Variants in MICAL3 observed in about 807,000 individuals in gnomAD.
MICAL3 encodes the protein [F-actin]-monooxygenase MICAL3.
A neutral mutation model predicts 207.4 loss-of-function variants in MICAL3; 62 were observed. That is an observed-to-expected ratio of 0.30 (90% CI 0.24 to 0.37). The LOEUF (loss-of-function observed/expected upper bound fraction) is 0.37. Among genes scored for constraint, MICAL3 ranks in the 10% least tolerant of loss-of-function variants. MICAL3 has a pLI of 1.00. For missense variants in MICAL3, 2,368 were observed against 2,635.6 expected, an observed-to-expected ratio of 0.90 and a Z score of 2.22; for synonymous variants, 1,077 against 1,069.3, an observed-to-expected ratio of 1.01 and a Z score of -0.14.
chr22:17,967,612 A>G (rs1935209233), intron 1 of MICAL3, among the ~76,000 whole-genome samples: 1 of 152,220 alleles, frequency 6.6e-6, no homozygotes. Context: ...AGTACATATT[A>G]TAATAAAAAT....
chr22:17,890,800 T>C (rs984844335), intron 12 of MICAL3, among the ~76,000 whole-genome samples: 1 of 152,228 alleles, frequency 6.6e-6, no homozygotes. Context: ...ATCCTTCGGT[T>C]TGGCTTCCGT....
At chr22:17,999,558 G>A (rs550402902) in intron 1 of MICAL3, among the ~76,000 whole-genome samples, 1 of 152,168 alleles carries the variant, frequency 6.6e-6, no homozygotes, top group Non-Finnish European at 1.5e-5. Context: ...GCCAAGGACT[G>A]TGCTAAGTTC....
rs763045276 is a variant in MICAL3 at position 17,818,871 on chromosome 22, G to T, written c.3790C>A (p.Pro1264Thr). 4 of 1,548,368 alleles carry T rather than the reference G, an allele frequency of 2.6e-6. No homozygotes were observed. In the African/African-American group the frequency reaches 5.5e-5, roughly 21 times the overall value. Residue 1264 changes from proline (P) to threonine (T), a missense_variant, in exon 26 of 32, where the codon CCC (proline) becomes ACC (threonine). By Grantham distance (38) the Pro-to-Thr change is conservative (BLOSUM62 -1). Transcript: ENST00000441493. Reference sequence around the variant, plus strand: ...ACAGTGGCCTCGGTGGAAGGCTGGGGCTGGGAGCAGATGGGGAGTGGGCTG... The same window carrying T: ...ACAGTGGCCTCGGTGGAAGGCTGGGTCTGGGAGCAGATGGGGAGTGGGCTG... ...PPSPLPICSQ[P>T]QPSTEATVPS...
intron 1 of MICAL3, among the ~76,000 whole-genome samples, chr22:17,915,053 G>A (rs1043177935): frequency 3.3e-5 from 5 of 152,138 alleles, no homozygotes; most frequent in African/African-American, 1.2e-4. Context: ...AGGCCTCTGG[G>A]TGGGGAGAAA....
intron 29 of MICAL3, among the ~76,000 whole-genome samples, chr22:17,794,223 C>T (rs958443715): frequency 3.3e-5 from 5 of 152,228 alleles, no homozygotes; most frequent in South Asian, 2.1e-4. Flanking sequence ...GTTGTCATAC[C>T]GGGGCCTTTG....
At chr22:17,945,352 G>T (rs1172318233) in intron 1 of MICAL3, among the ~76,000 whole-genome samples, 3 of 152,190 alleles carry the variant, frequency 2.0e-5, no homozygotes, top group African/African-American at 7.2e-5. Flanking sequence ...CACCTTGGGC[G>T]CTGGCCCAGA....
chr22:17,924,205 C>A (rs1423975093), intron 1 of MICAL3, among the ~76,000 whole-genome samples: 1 of 152,150 alleles, frequency 6.6e-6, no homozygotes, highest in East Asian at 1.9e-4. Flanking sequence ...AACCATATCA[C>A]CATCCTTATG....
At chr22:17,932,270 G>A (rs535416623) in intron 1 of MICAL3, among the ~76,000 whole-genome samples, 7 of 152,282 alleles carry the variant, frequency 4.6e-5, no homozygotes, top group African/African-American at 1.2e-4. Context: ...TCAGACTAAC[G>A]CGGATCTCTG....
chr22:18,013,724 A>C (rs751631904), intron 1 of MICAL3, among the ~76,000 whole-genome samples: 3 of 152,242 alleles, frequency 2.0e-5, no homozygotes, highest in African/African-American at 4.8e-5. Context: ...ATAGTAAATT[A>C]AAGCAATTGG....
At chr22:17,844,628 G>A (rs1569091436) in intron 19 of MICAL3, among the ~76,000 whole-genome samples, 1 of 152,222 alleles carries the variant, frequency 6.6e-6, no homozygotes, top group Non-Finnish European at 1.5e-5. Flanking sequence ...AGGTAATGGT[G>A]TGATGAAGGG....
intron 1 of MICAL3, among the ~76,000 whole-genome samples, chr22:17,945,008 CT>C (rs10533905): frequency 0.19 from 26,525 of 137,596 alleles, 2,432 homozygotes; most frequent in Middle Eastern, 0.26. Flanking sequence ...ACTGGGGGAC[CT>C]TTTTTTTTTT....
chr22:18,010,662 A>C (rs1302141513), intron 1 of MICAL3, among the ~76,000 whole-genome samples: 1 of 152,128 alleles, frequency 6.6e-6, no homozygotes, highest in Non-Finnish European at 1.5e-5. Context: ...GCAGAAAAGG[A>C]GCAGAGTTCC....
chr22:17,863,787 G>C (rs943736355), intron 19 of MICAL3: 4 of 985,418 alleles, frequency 4.1e-6, no homozygotes, highest in Non-Finnish European at 4.8e-6. Context: ...TGCAACTCTG[G>C]GAACCTCTCG....
At position 17,896,334 on chromosome 22, in the gene MICAL3, C is replaced by T; in HGVS notation, c.1234G>A (p.Ala412Thr). The T allele has an allele frequency of 6.4e-7, 1 of 1,557,806 alleles. No individual in the cohort carries two copies. ...TCCATAGCAGCTAGAAAGCCCCGGG[C>T]TATTCCTGTTCCCATTGGCCAGAAA... ...EPFWPMGTGI[A>T]RGFLAAMDSA... Residue 412 changes from alanine to threonine, a missense_variant, in exon 9 of 32, where the codon GCC (alanine) becomes ACC (threonine). This residue lies in a region of MICAL3 where 400 missense variants were observed against 547.0 expected (regional missense o/e 0.73). Transcript: ENST00000441493.
chr22:18,012,571 G>C (rs913562146), intron 1 of MICAL3, among the ~76,000 whole-genome samples: 1 of 152,194 alleles, frequency 6.6e-6, no homozygotes, highest in South Asian at 2.1e-4. Flanking sequence ...CAGCTCCCAG[G>C]GCTGCCAGAT....
intron 20 of MICAL3, among the ~76,000 whole-genome samples, chr22:17,833,067 A>G (rs1922980147): frequency 6.6e-6 from 1 of 152,148 alleles, no homozygotes; most frequent in Non-Finnish European, 1.5e-5. Flanking sequence ...GCACACCTGT[A>G]AGAATGCACA....
Position 17,902,895 on chromosome 22 carries a change from G to A in MICAL3, c.473-148C>T, listed in dbSNP as rs944239999. 7.8e-5 allele frequency: 46 copies of A among 589,014 alleles called. No individual in the cohort carries two copies. The East Asian group carries it at 1.1e-3, about 14-fold the overall frequency. 36.5% of individuals were successfully genotyped at this position (589,014 alleles called of 1,614,324 possible). A position where few individuals can be genotyped will look rare whatever the true frequency, so the allele number is the denominator to read the frequency against. On this transcript the variant is annotated intron_variant, in intron 3 of 31. Coordinates refer to ENST00000441493, the MANE Select transcript of MICAL3 (RefSeq NM_015241.3). This position sits in a 1 kb window ranked among gnomAD's most constrained non-coding sequence, Gnocchi z 4.5. ...GTAGCAGGAGACCTTCCAAAGCCAC[G>A]CTCTGTAACTTCTTCCTTTCTTAAA...
chr22:17,824,641 C>T lies in MICAL3; in HGVS notation c.3194-1581G>A, dbSNP rs561869663. Among the ~76,000 whole-genome samples, 6 of 152,300 alleles carry T rather than the reference C, an allele frequency of 3.9e-5. No individual in the cohort carries two copies. In the South Asian group the frequency reaches 1.2e-3, roughly 32 times the overall value. On this transcript the variant is annotated intron_variant, in intron 22 of 31. Coordinates refer to ENST00000441493, the MANE Select transcript of MICAL3 (RefSeq NM_015241.3). ...GGCCCACGTCACAGGGAGAGATAGGCGGGTTCCCAGACTAGCTGACAGTTA... is the reference window on the plus strand; with the variant it reads ...GGCCCACGTCACAGGGAGAGATAGGTGGGTTCCCAGACTAGCTGACAGTTA...
intron 17 of MICAL3, among the ~76,000 whole-genome samples, chr22:17,868,900 G>T (rs561182450): frequency 6.6e-6 from 1 of 151,744 alleles, no homozygotes; most frequent in Non-Finnish European, 1.5e-5. Context: ...CTCCACAGAC[G>T]CATGGATGAG....
Sources: gnomAD v4.1 joint callset for allele counts (sites outside exome capture counted in the v4.1 genomes callset) on GRCh38, gnomAD v4.1.1 for gene constraint, gnomAD v4.1.1 regional missense constraint, Gnocchi (gnomAD v3.1) non-coding constraint, MANE v1.5 for transcripts, NCBI Gene and HGNC (gene_info 2026-07-23, HGNC 2026-07-21) for gene names.